DAPK1: variants seen among roughly 807,000 people sequenced by gnomAD.
DAPK1 encodes death associated protein kinase 1.
Under a neutral mutation model 144.9 loss-of-function variants are expected in DAPK1, and 56 were observed. The ratio of observed to expected loss-of-function variants is 0.39; its 90% CI spans 0.31 to 0.48. The LOEUF is 0.48. Among genes scored for constraint, DAPK1 ranks in the 20% least tolerant of loss-of-function variants. DAPK1 has a pLI of 0.95. For missense variants in DAPK1, 1,454 were observed against 1,875.4 expected (o/e 0.78, Z 4.15); for synonymous variants, 690 against 749.0 (o/e 0.92, Z 1.29).
At chr9:87,523,001 AT>A (rs1825356440) in intron 2 of DAPK1, among the ~76,000 whole-genome samples, 1 of 151,888 alleles carries the variant, frequency 6.6e-6, no homozygotes, top group East Asian at 1.9e-4. Flanking sequence ...TCATGTTATG[AT>A]TTGCACATCT....
chr9:87,660,054 G>A (rs111556962), intron 18 of DAPK1, among the ~76,000 whole-genome samples: 95 of 152,296 alleles, frequency 6.2e-4, no homozygotes, highest in African/African-American at 2.3e-3. Context: ...GGCATTGCTG[G>A]AACCTGCAGG....
chr9:87,509,195 T>C (rs1205431439), intron 2 of DAPK1, among the ~76,000 whole-genome samples: 1 of 152,228 alleles, frequency 6.6e-6, no homozygotes, highest in Non-Finnish European at 1.5e-5. Flanking sequence ...AACAGACTTT[T>C]AATGGGTGCT....
intron 21 of DAPK1, among the ~76,000 whole-genome samples, 190 bp from the exon 22 acceptor site, chr9:87,696,817 C>G (rs1825275608): frequency 1.3e-5 from 2 of 152,162 alleles, no homozygotes; most frequent in Admixed American, 6.5e-5. Flanking sequence ...CATCACCTCA[C>G]TGAGTGATTT....
chr9:87,684,654 A>G (rs143424085), intron 20 of DAPK1, among the ~76,000 whole-genome samples: 5 of 152,116 alleles, frequency 3.3e-5, no homozygotes, highest in African/African-American at 1.2e-4. Flanking sequence ...AGGTCATAGG[A>G]GGCATGAATG....
Position 87,634,619 on chromosome 9 carries a change from A to T in DAPK1, c.285-3324A>T, listed in dbSNP as rs145935355. On this transcript the variant is annotated intron_variant, in intron 3 of 25. Coordinates refer to ENST00000408954, the MANE Select transcript of DAPK1 (RefSeq NM_004938.4). The stretch of plus-strand genomic sequence containing the variant: ...CCCACTGCCTGAAGGAGGATGGCAC[A>T]ATCACGGTGCAGAAGAGCATGAGGA... 8.5e-5 allele frequency among the ~76,000 whole-genome samples: 13 copies of T among 152,342 alleles called. 1 individual carries two copies. In the South Asian group the frequency reaches 1.2e-3, roughly 15 times the overall value.
intron 2 of DAPK1, among the ~76,000 whole-genome samples, chr9:87,589,335 C>T (rs1828046721): frequency 6.6e-6 from 1 of 152,130 alleles, no homozygotes; most frequent in Non-Finnish European, 1.5e-5. Context: ...CCGATATGGA[C>T]AGTTCTCATG....
intron 3 of DAPK1, among the ~76,000 whole-genome samples, chr9:87,609,727 A>G (rs2118984532): frequency 6.6e-6 from 1 of 152,296 alleles, no homozygotes; most frequent in South Asian, 2.1e-4. Context: ...CAAAATGAAG[A>G]ACTTGTCAGA....
In DAPK1 at chr9:87,586,386, G is replaced by T. The variant is rs185788390; in HGVS notation, c.63-18568G>T. Among the ~76,000 whole-genome samples, 511 of 152,208 alleles carry T rather than the reference G, an allele frequency of 3.4e-3. 7 individuals carry two copies. Among genetic ancestry groups the T allele is most frequent in the South Asian group, 7.7e-3 (37 of 4,820 alleles). On this transcript the variant is annotated intron_variant, in intron 2 of 25. Coordinates refer to ENST00000408954, the MANE Select transcript of DAPK1 (RefSeq NM_004938.4). The stretch of plus-strand genomic sequence containing the variant: ...CTACTCTGTCTCAAAGTAAGTCATT[G>T]TTTTAATTTATAAATGATTATTGCT...
chr9:87,703,708 A>G (rs1240351929), intron 25 of DAPK1, among the ~76,000 whole-genome samples: 2 of 152,204 alleles, frequency 1.3e-5, no homozygotes, highest in African/African-American at 4.8e-5. Flanking sequence ...AGATACACAG[A>G]GTAATCATAA....
At chr9:87,588,641 AC>A (rs1348531902) in intron 2 of DAPK1, among the ~76,000 whole-genome samples, 1 of 152,184 alleles carries the variant, frequency 6.6e-6, no homozygotes, top group African/African-American at 2.4e-5. Context: ...ACTCTCTGTC[AC>A]TCAGAAGGCA....
chr9:87,502,544 G>A (rs1276830099), intron 2 of DAPK1, among the ~76,000 whole-genome samples: 2 of 152,320 alleles, frequency 1.3e-5, no homozygotes, highest in East Asian at 1.9e-4. Flanking sequence ...ACCCTTGGCC[G>A]TCGTTCAGCC....
At chr9:87,662,641 A>G (rs1449726894) in intron 18 of DAPK1, among the ~76,000 whole-genome samples, 1 of 128,666 alleles carries the variant, frequency 7.8e-6, no homozygotes, top group African/African-American at 3.0e-5. Flanking sequence ...CGTCATTGGT[A>G]TATAGGAACT....
rs756877012 is a variant in DAPK1, at chr9:87,639,401, C to G, written c.471C>G (p.Ile157Met). The change falls in exon 5 of 26, where the codon ATC (isoleucine) becomes ATG (methionine). Residue 157 changes from isoleucine (I) to methionine (M), a missense_variant. Coordinates refer to ENST00000408954, the MANE Select transcript of DAPK1 (RefSeq NM_004938.4). ...LLDRNVPKPR[I>M]KIIDFGLAHK... ...ATAGAAATGTCCCCAAACCTCGGAT[C>G]AAGATCATTGACTTTGGGTTGGCCC... is the stretch of plus-strand genomic sequence containing the variant. 6.2e-7 allele frequency: 1 copy of G among 1,612,644 alleles called. No homozygotes were observed. The highest frequency in any genetic ancestry group is 8.5e-7 in the Non-Finnish European group (1 of 1,179,416).
chr9:87,607,487 A>G (rs1324397403), intron 3 of DAPK1, among the ~76,000 whole-genome samples: 2 of 152,158 alleles, frequency 1.3e-5, no homozygotes, highest in Non-Finnish European at 2.9e-5. Context: ...CTGCGTGTAC[A>G]TATTGTGCAT....
intron 3 of DAPK1, among the ~76,000 whole-genome samples, chr9:87,622,421 TTG>T (rs1490463843): frequency 2.0e-5 from 3 of 152,156 alleles, no homozygotes; most frequent in East Asian, 1.9e-4. Flanking sequence ...CTCCTGAAGG[TTG>T]TCTCTTACAA....
chr9:87,640,231 AT>A, intron 7 of DAPK1, 66 bp from the exon 8 acceptor site: 1 of 1,464,604 alleles, frequency 6.8e-7, no homozygotes, highest in Non-Finnish European at 9.3e-7. Flanking sequence ...TCCAGATGTT[AT>A]AGGAGCAAAA....
intron 2 of DAPK1, among the ~76,000 whole-genome samples, chr9:87,536,823 C>G (rs1825875420): frequency 6.6e-6 from 1 of 152,008 alleles, no homozygotes; most frequent in Non-Finnish European, 1.5e-5. Context: ...GGCACAGTAA[C>G]AATAAATTTA....
chr9:87,550,807 C>A (rs75345947), intron 2 of DAPK1, among the ~76,000 whole-genome samples: 4 of 152,358 alleles, frequency 2.6e-5, no homozygotes, highest in African/African-American at 9.6e-5. Context: ...TAGAAATGGA[C>A]TACAGCTAAG....
chr9:87,644,293 T>A (rs1830194995), intron 11 of DAPK1, among the ~76,000 whole-genome samples: 1 of 152,136 alleles, frequency 6.6e-6, no homozygotes, highest in Admixed American at 6.6e-5. Flanking sequence ...AACAAGACTT[T>A]CCCCTGACAA....
Sources: gnomAD v4.1 joint callset for allele counts (sites outside exome capture counted in the v4.1 genomes callset) on GRCh38, gnomAD v4.1.1 for gene constraint, MANE v1.5 for transcripts, NCBI Gene and HGNC (gene_info 2026-07-23, HGNC 2026-07-21) for gene names.